Variants in SSBP2 observed in about 807,000 individuals in gnomAD.
SSBP2 encodes single stranded DNA binding protein 2.
Under a neutral mutation model 61.8 loss-of-function variants are expected in SSBP2, and 17 were observed. The ratio of observed to expected loss-of-function variants is 0.28; its 90% CI spans 0.19 to 0.41. SSBP2 has a LOEUF of 0.41. Among genes scored for constraint, SSBP2 ranks in the 10% least tolerant of loss-of-function variants. SSBP2 has a pLI of 1.00. For missense variants in SSBP2, 310 were observed against 458.7 expected (o/e 0.68, Z 2.96); for synonymous variants, 139 against 141.3 (o/e 0.98, Z 0.12).
At chr5:81,428,401 T>C (rs1408242802) in intron 16 of SSBP2, among the ~76,000 whole-genome samples, 184 bp downstream of exon 16, 1 of 152,092 alleles carries the variant, frequency 6.6e-6, no homozygotes, top group African/African-American at 2.4e-5. Context: ...GTACACAGAA[T>C]AAAAAAGAAA....
At chr5:81,438,754 T>A (rs1031500759) in intron 14 of SSBP2, among the ~76,000 whole-genome samples, 3 of 152,210 alleles carry the variant, frequency 2.0e-5, no homozygotes. Context: ...TTTTTGTGAA[T>A]GGTTCTACAA....
intron 14 of SSBP2, among the ~76,000 whole-genome samples, chr5:81,439,129 A>C (rs1012734401): frequency 6.6e-6 from 1 of 152,126 alleles, no homozygotes; most frequent in African/African-American, 2.4e-5. Flanking sequence ...TATCAGAGGG[A>C]GGCATTTCCT....
intron 4 of SSBP2, among the ~76,000 whole-genome samples, chr5:81,589,254 T>C (rs2972238): frequency 0.24 from 37,120 of 152,158 alleles, 6,020 homozygotes; most frequent in East Asian, 0.69. Flanking sequence ...TATTTTGAGA[T>C]ATGACAGTTC....
At chr5:81,545,192 T>C (rs1297412395) in intron 4 of SSBP2, among the ~76,000 whole-genome samples, 1 of 152,224 alleles carries the variant, frequency 6.6e-6, no homozygotes, top group Non-Finnish European at 1.5e-5. Flanking sequence ...ATTAAAGACA[T>C]AACTATATAT....
At chr5:81,600,560 T>TC (rs1744255366) in intron 4 of SSBP2, among the ~76,000 whole-genome samples, 1 of 48,150 alleles carries the variant, frequency 2.1e-5, no homozygotes, top group Admixed American at 3.2e-4. Context: ...AGACTCTGTC[T>TC]CAAAAAAAAA....
Position 81,419,956 on chromosome 5 carries a change from G to T in SSBP2, c.*548C>A, listed in dbSNP as rs561402355. On this transcript the variant is annotated 3_prime_UTR_variant, in exon 17 of 17. Transcript: ENST00000320672. ...ATTTAATGAAAGCTCTCAAATAAGC[G>T]ATTTTATTCCTATCCATGATTGCAG... 6.6e-6 allele frequency: 1 copy of T among 152,354 alleles called. No individual in the cohort carries two copies. The highest frequency in any genetic ancestry group is 2.4e-5 in the African/African-American group (1 of 41,426). 9.4% of individuals were successfully genotyped at this position (152,354 alleles called of 1,614,324 possible).
chr5:81,710,686 T>C (rs1445096843), intron 1 of SSBP2: 1 of 453,996 alleles, frequency 2.2e-6, no homozygotes, highest in Admixed American at 2.4e-5. Flanking sequence ...ACCTCCAATA[T>C]AATACGAATG....
intron 1 of SSBP2, among the ~76,000 whole-genome samples, chr5:81,670,853 G>A (rs556067849): frequency 1.8e-4 from 27 of 152,024 alleles, no homozygotes; most frequent in African/African-American, 5.5e-4. Flanking sequence ...CTCTGTGCTC[G>A]TCTAGCTGTG....
chr5:81,450,115 C>T (rs745824972), intron 10 of SSBP2, among the ~76,000 whole-genome samples: 3 of 152,140 alleles, frequency 2.0e-5, no homozygotes, highest in Admixed American at 6.5e-5. Context: ...ACTGCAGTCT[C>T]GACCTCCTGG....
intron 4 of SSBP2, among the ~76,000 whole-genome samples, chr5:81,521,019 C>T (rs76834388): frequency 0.07 from 10,683 of 152,002 alleles, 391 homozygotes; most frequent in Middle Eastern, 0.092. Context: ...CATCTCCCAT[C>T]CATTTATTTT....
chr5:81,736,003 A>C (rs1393592038), intron 1 of SSBP2, among the ~76,000 whole-genome samples: 1 of 152,214 alleles, frequency 6.6e-6, no homozygotes, highest in Non-Finnish European at 1.5e-5. Flanking sequence ...ACAAACTCGG[A>C]TCAAGTCGCT....
Position 81,492,324 on chromosome 5 carries a change from G to A in SSBP2, c.373-3015C>T, listed in dbSNP as rs183218298. On this transcript the variant is annotated intron_variant, in intron 5 of 16. Transcript: ENST00000320672. ...TTGAGACCAGCCTGGGCAACATGAC[G>A]AAACCCCATCTCTACTAAAAATACA... is the stretch of plus-strand genomic sequence containing the variant. Among the ~76,000 whole-genome samples, 899 of 152,118 alleles carry A rather than the reference G, an allele frequency of 5.9e-3. 6 individuals carry two copies. The highest frequency in any genetic ancestry group is 0.02 in the African/African-American group (812 of 41,508).
At chr5:81,446,272 G>GA (rs1192790593) in intron 12 of SSBP2, among the ~76,000 whole-genome samples, 3 of 152,030 alleles carry the variant, frequency 2.0e-5, no homozygotes, top group Admixed American at 6.6e-5. Context: ...TAGTCTGTGT[G>GA]AAAGTCTCAA....
chr5:81,732,377 T>C (rs555551211), intron 1 of SSBP2, among the ~76,000 whole-genome samples: 39 of 152,314 alleles, frequency 2.6e-4, no homozygotes, highest in African/African-American at 8.2e-4. Context: ...ACACATCCAA[T>C]AGTAACACTA....
chr5:81,635,712 T>C (rs1210104872), intron 3 of SSBP2, among the ~76,000 whole-genome samples: 1 of 151,806 alleles, frequency 6.6e-6, no homozygotes, highest in Non-Finnish European at 1.5e-5. Context: ...GCCTCCTGGG[T>C]ACCTGGGACT....
At chr5:81,453,543 G>GC (rs1763923902) in intron 10 of SSBP2, among the ~76,000 whole-genome samples, 5 of 145,586 alleles carry the variant, frequency 3.4e-5, no homozygotes. Context: ...TGCAGGCTCC[G>GC]CCCCCCGGGT....
At chr5:81,433,592 TAA>T (rs532034844) in intron 15 of SSBP2, among the ~76,000 whole-genome samples, 23 of 103,990 alleles carry the variant, frequency 2.2e-4, no homozygotes, top group African/African-American at 4.0e-4. Flanking sequence ...GAATGATCAA[TAA>T]AAAAAAAAAA....
rs986299266 is a variant in SSBP2 at position 81,712,848 on chromosome 5, G to A, written c.62+38133C>T. The stretch of plus-strand genomic sequence containing the variant: ...CCTGGGCTCAAGTGATCCTCCTACC[G>A]CAGCCTCTGGGACTACAGGTATGCG... On this transcript the variant is annotated intron_variant, in intron 1 of 16. Transcript: ENST00000320672. Among the ~76,000 whole-genome samples, 9 of 150,510 alleles carry A rather than the reference G, an allele frequency of 6.0e-5. No homozygotes were observed. The South Asian group carries it at 6.3e-4, about 11-fold the overall frequency.
intron 2 of SSBP2, among the ~76,000 whole-genome samples, chr5:81,643,691 T>C (rs560699619): frequency 6.2e-4 from 87 of 140,126 alleles, no homozygotes; most frequent in African/African-American, 2.2e-3. Flanking sequence ...CAACCTCCAC[T>C]GCCCAGGCTC....
Sources: gnomAD v4.1 joint callset for allele counts (sites outside exome capture counted in the v4.1 genomes callset) on GRCh38, gnomAD v4.1.1 for gene constraint, MANE v1.5 for transcripts, NCBI Gene and HGNC (gene_info 2026-07-23, HGNC 2026-07-21) for gene names.